The following CSMD1 variants were observed in gnomAD, a reference collection of about 807,000 sequenced individuals.
CSMD1 encodes CUB and Sushi multiple domains 1.
CSMD1 carries 213 observed loss-of-function variants against 417.5 expected under a neutral mutation model. The observed-to-expected ratio is 0.51, with a 90% CI of 0.46 to 0.57. CSMD1 has a LOEUF of 0.57. CSMD1 is among the 20% of genes least tolerant of loss of function. The probability of loss-of-function intolerance (pLI) is 0.00; values close to 1 mark genes in which losing one functional copy is unlikely to be tolerated. For synonymous variants in CSMD1, 2,862 were observed against 1,736.8 expected (o/e 1.65, Z -16.11); for missense variants, 6,923 against 4,529.7 (o/e 1.53, Z -15.17).
Position 3,282,957 on chromosome 8 carries a change from A to G in CSMD1, c.4153+1187T>C, listed in dbSNP as rs562239289. 1.2e-4 allele frequency among the ~76,000 whole-genome samples: 18 copies of G among 152,244 alleles called. No homozygotes were observed. The Middle Eastern group carries it at 0.01, about 86-fold the overall frequency. On this transcript the variant is annotated intron_variant, in intron 26 of 69. Coordinates refer to ENST00000635120, the MANE Select transcript of CSMD1 (RefSeq NM_033225.6). ...CTGACCTTGTGTGCTGCCCAATAAT[A>G]TGGCATCTCTCCACGGTGCCATCCG...
chr8:3,982,801 G>A (rs1046026612), intron 5 of CSMD1, among the ~76,000 whole-genome samples: 10 of 152,156 alleles, frequency 6.6e-5, no homozygotes, highest in African/African-American at 2.4e-4. Context: ...AGAATCCGCT[G>A]GAGGATTCTG....
At chr8:4,497,340 T>C (rs969596904) in intron 2 of CSMD1, among the ~76,000 whole-genome samples, 6 of 152,212 alleles carry the variant, frequency 3.9e-5, no homozygotes, top group African/African-American at 1.2e-4. Flanking sequence ...GTAAATCTAT[T>C]TATATAGCCA....
intron 7 of CSMD1, among the ~76,000 whole-genome samples, chr8:3,638,436 C>T (rs1797148127): frequency 1.3e-5 from 2 of 151,342 alleles, no homozygotes; most frequent in African/African-American, 4.9e-5. Flanking sequence ...CGCAACTGCA[C>T]CCCTCCAAAA....
At position 3,714,561 on chromosome 8, in the gene CSMD1, C is replaced by CAAA. The variant is rs61494901; in HGVS notation, c.932-6073_932-6071dup. Among the ~76,000 whole-genome samples, 51 of 70,576 alleles carry CAAA rather than the reference C, an allele frequency of 7.2e-4. 5 individuals carry two copies. The highest frequency in any genetic ancestry group is 8.8e-4 in the Non-Finnish European group (35 of 39,586). 46.3% of individuals were successfully genotyped at this position (70,576 alleles called of 152,430 possible). The stretch of plus-strand genomic sequence containing the variant: ...ACATGGCGAAACCCCATCTCTATCC[C>CAAA]AAAAAAAAAAAAAAAAAAAATTAGC... On this transcript the variant is annotated intron_variant, in intron 6 of 69. Transcript: ENST00000635120.
At chr8:3,217,374 C>T (rs886816725) in intron 29 of CSMD1, among the ~76,000 whole-genome samples, 2 of 152,246 alleles carry the variant, frequency 1.3e-5, no homozygotes, top group East Asian at 1.9e-4. Flanking sequence ...TTTCTTCATG[C>T]AACCTGTAAG....
intron 1 of CSMD1, among the ~76,000 whole-genome samples, chr8:4,895,052 T>C (rs1804385968): frequency 6.6e-6 from 1 of 152,212 alleles, no homozygotes; most frequent in African/African-American, 2.4e-5. Flanking sequence ...GAATATCTGT[T>C]TTGTTTCTGT....
rs141918827 is a variant in CSMD1 at position 3,687,857 on chromosome 8, T to C, written c.1009+20557A>G. Among the ~76,000 whole-genome samples, 707 of 152,324 alleles carry C rather than the reference T, an allele frequency of 4.6e-3. 9 individuals carry two copies. Among genetic ancestry groups the C allele is most frequent in the African/African-American group, 0.016 (671 of 41,574 alleles). On this transcript the variant is annotated intron_variant, in intron 7 of 69. Coordinates refer to ENST00000635120, the MANE Select transcript of CSMD1 (RefSeq NM_033225.6). The stretch of plus-strand genomic sequence containing the variant: ...CTCTCAGTCCACTCTTGGTCTCCAC[T>C]CAGTGAGGACCAGAGTCCGTACTGA...
chr8:3,763,021 T>A, intron 5 of CSMD1, among the ~76,000 whole-genome samples: 1 of 152,150 alleles, frequency 6.6e-6, no homozygotes, highest in East Asian at 1.9e-4. Context: ...GTGATTTGTA[T>A]AGTTATTTGC....
Position 4,213,585 on chromosome 8 carries a change from G to A in CSMD1, c.416-181486C>T, listed in dbSNP as rs780367244. Among the ~76,000 whole-genome samples the A allele has an allele frequency of 8.5e-5, 13 of 152,322 alleles. No individual in the cohort carries two copies. The East Asian group carries it at 1.5e-3, about 18-fold the overall frequency. ...ACTTTTGCTCTCCCACTTGCAACGT[G>A]AAAGAAAAATCAAATGTCAGCTTTC... On this transcript the variant is annotated intron_variant, in intron 3 of 69. Transcript: ENST00000635120.
At chr8:3,264,667 T>C (rs556014455) in intron 26 of CSMD1, among the ~76,000 whole-genome samples, 3 of 152,276 alleles carry the variant, frequency 2.0e-5, no homozygotes, top group Admixed American at 1.3e-4. Flanking sequence ...TCATCAAAAC[T>C]GTGGGGTCGT....
At chr8:4,554,799 C>G (rs1456486194) in intron 2 of CSMD1, among the ~76,000 whole-genome samples, 9 of 152,208 alleles carry the variant, frequency 5.9e-5, no homozygotes, top group African/African-American at 1.9e-4. Context: ...CAGCGTCCGT[C>G]CCTGTTGAGG....
intron 2 of CSMD1, among the ~76,000 whole-genome samples, chr8:4,489,661 G>C (rs988930348): frequency 1.3e-5 from 2 of 152,174 alleles, no homozygotes; most frequent in African/African-American, 4.8e-5. Context: ...GTGACGGCAT[G>C]CGTGTGAGCA....
At chr8:3,844,808 C>G (rs1563138290) in intron 5 of CSMD1, among the ~76,000 whole-genome samples, 1 of 152,134 alleles carries the variant, frequency 6.6e-6, no homozygotes, top group Non-Finnish European at 1.5e-5. Flanking sequence ...ATAGAAGAAT[C>G]AGAACAGATT....
At chr8:3,314,542 G>C (rs933940743) in intron 23 of CSMD1, among the ~76,000 whole-genome samples, 1 of 151,862 alleles carries the variant, frequency 6.6e-6, no homozygotes, top group African/African-American at 2.4e-5. Flanking sequence ...GCACTATTAA[G>C]TATTATTACA....
At chr8:4,528,947 AC>A (rs1236700529) in intron 2 of CSMD1, among the ~76,000 whole-genome samples, 2 of 152,198 alleles carry the variant, frequency 1.3e-5, no homozygotes, top group Non-Finnish European at 2.9e-5. Flanking sequence ...ACCCCAGGGA[AC>A]ATACTGTATT....
intron 5 of CSMD1, among the ~76,000 whole-genome samples, chr8:3,767,017 A>G (rs1261655698): frequency 2.0e-5 from 3 of 152,188 alleles, no homozygotes; most frequent in African/African-American, 7.2e-5. Context: ...ATCTGAGATC[A>G]TATGAGCTCT....
intron 21 of CSMD1, 89 bp downstream of exon 21, chr8:3,359,063 C>G (rs561676503): frequency 7.8e-7 from 1 of 1,278,438 alleles, no homozygotes; most frequent in East Asian, 2.3e-5. Flanking sequence ...GTCAACAAAC[C>G]CCCACCCGAC....
intron 5 of CSMD1, among the ~76,000 whole-genome samples, chr8:3,863,169 A>G (rs1447827692): frequency 1.3e-5 from 2 of 152,050 alleles, no homozygotes; most frequent in African/African-American, 2.4e-5. Context: ...AGGCCAAGTC[A>G]AGGGATTACT....
chr8:3,893,937 G>A (rs377430253), intron 5 of CSMD1, among the ~76,000 whole-genome samples: 3 of 151,852 alleles, frequency 2.0e-5, no homozygotes, highest in African/African-American at 7.3e-5. Context: ...GTTACCGCAC[G>A]TGTGCACCCA....
Sources: gnomAD v4.1 joint callset for allele counts (sites outside exome capture counted in the v4.1 genomes callset) on GRCh38, gnomAD v4.1.1 for gene constraint, MANE v1.5 for transcripts, NCBI Gene and HGNC (gene_info 2026-07-23, HGNC 2026-07-21) for gene names.